AFF3: variants seen among roughly 807,000 people sequenced by gnomAD.
AFF3 encodes the protein AF4/FMR2 family member 3.
AFF3 carries 32 observed loss-of-function variants against 129.7 expected under a neutral mutation model. The observed-to-expected ratio is 0.25, with a 90% CI of 0.19 to 0.33. The LOEUF is 0.33. Among genes scored for constraint, AFF3 ranks in the 10% least tolerant of loss-of-function variants. The probability of loss-of-function intolerance (pLI) is 1.00; values close to 1 mark genes in which losing one functional copy is unlikely to be tolerated. For missense variants in AFF3, 1,373 were observed against 1,592.0 expected, an observed-to-expected ratio of 0.86 and a Z score of 2.34; for synonymous variants, 644 against 635.4, an observed-to-expected ratio of 1.01 and a Z score of -0.20.
chr2:99,635,244 C>T (rs79475063), intron 13 of AFF3, among the ~76,000 whole-genome samples: 214 of 151,208 alleles, frequency 1.4e-3, no homozygotes, highest in African/African-American at 4.8e-3. Flanking sequence ...GATATATATA[C>T]GTATCACATC....
At chr2:99,614,178 T>G (rs927736626) in intron 13 of AFF3, among the ~76,000 whole-genome samples, 3 of 152,086 alleles carry the variant, frequency 2.0e-5, no homozygotes, top group African/African-American at 7.2e-5. Flanking sequence ...AAAGAAGACT[T>G]ATGCACCACT....
chr2:99,626,021 A>T (rs369323723), intron 13 of AFF3, among the ~76,000 whole-genome samples: 74 of 152,340 alleles, frequency 4.9e-4, no homozygotes, highest in African/African-American at 1.6e-3. Context: ...CAGTTCAGGT[A>T]TAGAGAACGC....
At chr2:100,106,848 G>T in intron 2 of AFF3, 1 of 985,446 alleles carries the variant, frequency 1.0e-6, no homozygotes, top group South Asian at 4.7e-5. Context: ...GGAGGCTGAA[G>T]ATAAATAGAT....
chr2:99,754,215 T>G (rs1240005805), intron 8 of AFF3, among the ~76,000 whole-genome samples: 2 of 152,222 alleles, frequency 1.3e-5, no homozygotes, highest in South Asian at 2.1e-4. Context: ...AAATCTTCTG[T>G]AGAGAAATTA....
At chr2:99,664,232 T>C (rs558889369) in intron 12 of AFF3, among the ~76,000 whole-genome samples, 73 of 152,376 alleles carry the variant, frequency 4.8e-4, no homozygotes, top group African/African-American at 1.8e-3. Context: ...TATTTTGTGC[T>C]ATTTCCAGTT....
In AFF3 at chr2:99,546,231, A is replaced by G. The variant is rs1674069946; in HGVS notation, c.*5243T>C. 8.6e-6 allele frequency: 2 copies of G among 232,056 alleles called. No individual in the cohort carries two copies. Among genetic ancestry groups the G allele is most frequent in the South Asian group, 3.6e-4 (2 of 5,526 alleles). The allele number at this position is 232,056 out of a possible 1,614,324, so 14.4% of individuals were successfully genotyped here. A position where few individuals can be genotyped will look rare whatever the true frequency, so the allele number is the denominator to read the frequency against. On this transcript the variant is annotated 3_prime_UTR_variant, in exon 25 of 25. Transcript: ENST00000672756. The stretch of plus-strand genomic sequence containing the variant: ...TGTGTAGCAGGCAAAGCTACAGAAG[A>G]GAACGTTCTTGAAAGACTGCTGGGT...
chr2:99,904,988 A>C (rs1694609556), intron 7 of AFF3, among the ~76,000 whole-genome samples: 1 of 151,478 alleles, frequency 6.6e-6, no homozygotes, highest in African/African-American at 2.4e-5. Context: ...CAATCTCCCC[A>C]CTGCTGCTCC....
At chr2:99,973,141 A>AC (rs1173425428) in intron 7 of AFF3, among the ~76,000 whole-genome samples, 3 of 151,984 alleles carry the variant, frequency 2.0e-5, no homozygotes, top group Admixed American at 2.0e-4. Flanking sequence ...GATTCCCATG[A>AC]CCCCCAGCTG....
rs184737211 is a variant in AFF3, at chr2:99,891,398, C to T, written c.874-53874G>A. On this transcript the variant is annotated intron_variant, in intron 7 of 24. Coordinates refer to ENST00000672756, the MANE Select transcript of AFF3 (RefSeq NM_001386135.1). ...CTAGCCTTTCAGGGTCAGTGAGGCCCTAAGATGTCAAAGCTTCAAAATGCA... is the reference window on the plus strand; with the variant it reads ...CTAGCCTTTCAGGGTCAGTGAGGCCTTAAGATGTCAAAGCTTCAAAATGCA... 1.4e-4 allele frequency among the ~76,000 whole-genome samples: 21 copies of T among 152,186 alleles called. 3 individuals are homozygous for T. Among genetic ancestry groups the T allele is most frequent in the Admixed American group, 1.2e-3 (18 of 15,278 alleles).
intron 7 of AFF3, among the ~76,000 whole-genome samples, chr2:99,965,074 A>G (rs1271489844): frequency 1.3e-5 from 2 of 152,236 alleles, no homozygotes; most frequent in Non-Finnish European, 2.9e-5. Flanking sequence ...CTCCAAAACT[A>G]GGATTTGAGA....
intron 7 of AFF3, among the ~76,000 whole-genome samples, chr2:99,978,675 T>A (rs1261783703): frequency 1.3e-5 from 2 of 152,150 alleles, no homozygotes; most frequent in Non-Finnish European, 2.9e-5. Context: ...AAGGTGATGA[T>A]ATCAAGAAGA....
chr2:100,024,622 AT>A, intron 4 of AFF3, among the ~76,000 whole-genome samples: 4 of 151,360 alleles, frequency 2.6e-5, no homozygotes, highest in Admixed American at 6.6e-5. Context: ...AATAATAATA[AT>A]TATTATTATT....
chr2:99,595,433 C>T (rs1679189232), intron 14 of AFF3, among the ~76,000 whole-genome samples: 1 of 152,066 alleles, frequency 6.6e-6, no homozygotes, highest in Non-Finnish European at 1.5e-5. Context: ...AGACCAGATA[C>T]CAGGCTAGAG....
chr2:100,047,259 GTACT>G (rs757756448), intron 4 of AFF3, among the ~76,000 whole-genome samples: 9 of 152,176 alleles, frequency 5.9e-5, no homozygotes, highest in Non-Finnish European at 1.0e-4. Flanking sequence ...TGTGCCCAAT[GTACT>G]TTATTTAAAA....
At chr2:99,828,509 G>A (rs951787470) in intron 8 of AFF3, among the ~76,000 whole-genome samples, 2 of 152,214 alleles carry the variant, frequency 1.3e-5, no homozygotes, top group African/African-American at 4.8e-5. Context: ...AAGTGGACAA[G>A]CAAGGCAGCA....
intron 7 of AFF3, among the ~76,000 whole-genome samples, chr2:99,849,552 T>C (rs924951243): frequency 6.6e-6 from 1 of 152,146 alleles, no homozygotes; most frequent in Non-Finnish European, 1.5e-5. Flanking sequence ...TAACAGCACC[T>C]ACGAAATGTG....
At chr2:100,114,941 T>C (rs1226468828) in intron 2 of AFF3, among the ~76,000 whole-genome samples, 2 of 152,186 alleles carry the variant, frequency 1.3e-5, no homozygotes, top group African/African-American at 4.8e-5. Flanking sequence ...GGGGTGGAAA[T>C]GTCAAATTAT....
intron 8 of AFF3, among the ~76,000 whole-genome samples, chr2:99,811,450 C>T (rs1392282399): frequency 2.6e-5 from 4 of 151,866 alleles, no homozygotes; most frequent in Non-Finnish European, 5.9e-5. Context: ...CAGAAAACAG[C>T]ATATTCAAAC....
At chr2:99,811,889 GGA>G (rs1686819365) in intron 8 of AFF3, among the ~76,000 whole-genome samples, 1 of 152,220 alleles carries the variant, frequency 6.6e-6, no homozygotes, top group Admixed American at 6.5e-5. Flanking sequence ...GGCCTTGTGT[GGA>G]CAGTGGTAGC....
Sources: gnomAD v4.1 joint callset for allele counts (sites outside exome capture counted in the v4.1 genomes callset) on GRCh38, gnomAD v4.1.1 for gene constraint, MANE v1.5 for transcripts, NCBI Gene and HGNC (gene_info 2026-07-23, HGNC 2026-07-21) for gene names.